Variants in GPC6 observed in about 807,000 individuals in gnomAD.
The protein encoded by GPC6 is glypican-6.
A neutral mutation model predicts 55.2 loss-of-function variants in GPC6; 14 were observed. The observed-to-expected ratio is 0.25, with a 90% CI of 0.17 to 0.40. GPC6 has a LOEUF of 0.40. Among genes scored for constraint, GPC6 ranks in the 10% least tolerant of loss-of-function variants. GPC6 has a pLI of 1.00. For missense variants in GPC6, 641 were observed against 708.5 expected (o/e 0.90, Z 1.08); for synonymous variants, 278 against 259.6 (o/e 1.07, Z -0.68).
chr13:93,766,429 C>T (rs1370857696), intron 2 of GPC6, among the ~76,000 whole-genome samples: 4 of 151,894 alleles, frequency 2.6e-5, no homozygotes, highest in Admixed American at 6.6e-5. Context: ...TTGTGCCCAT[C>T]GTTAACAATA....
At chr13:93,352,767 A>C (rs932073168) in intron 1 of GPC6, among the ~76,000 whole-genome samples, 1 of 152,234 alleles carries the variant, frequency 6.6e-6, no homozygotes, top group Middle Eastern at 3.4e-3. Flanking sequence ...AAGATAGCAA[A>C]TCTCACGGTG....
intron 2 of GPC6, among the ~76,000 whole-genome samples, chr13:93,626,125 G>T (rs924610004): frequency 6.6e-6 from 1 of 152,080 alleles, no homozygotes; most frequent in African/African-American, 2.4e-5. Context: ...GCAGAAAACT[G>T]CACCTAGCTG....
chr13:94,031,562 C>A (rs542547948), intron 4 of GPC6, among the ~76,000 whole-genome samples: 14 of 149,674 alleles, frequency 9.4e-5, no homozygotes, highest in South Asian at 2.1e-4. Flanking sequence ...AGGAGAAAAC[C>A]CTGTTTTAAG....
intron 2 of GPC6, among the ~76,000 whole-genome samples, chr13:93,760,271 TG>T (rs199963459): frequency 0.014 from 2,064 of 152,324 alleles, 22 homozygotes; most frequent in Middle Eastern, 0.024. Context: ...CCCTTTCTCT[TG>T]ACCACCATGT....
intron 4 of GPC6, among the ~76,000 whole-genome samples, chr13:94,216,361 G>A (rs1401015595): frequency 6.6e-6 from 1 of 152,014 alleles, no homozygotes; most frequent in Non-Finnish European, 1.5e-5. Flanking sequence ...GATTTTGTTG[G>A]TTGGTTTGTT....
At chr13:94,237,482 C>T (rs1890914327) in intron 4 of GPC6, among the ~76,000 whole-genome samples, 1 of 152,120 alleles carries the variant, frequency 6.6e-6, no homozygotes, top group South Asian at 2.1e-4. Context: ...GGTAAGGTCT[C>T]TTTGTAGGTG....
At chr13:94,124,107 G>A (rs948528785) in intron 4 of GPC6, among the ~76,000 whole-genome samples, 4 of 152,016 alleles carry the variant, frequency 2.6e-5, no homozygotes, top group African/African-American at 9.7e-5. Context: ...TGACTTTATA[G>A]CCCCGTATAT....
intron 1 of GPC6, among the ~76,000 whole-genome samples, chr13:93,506,077 G>A (rs1459567279): frequency 2.0e-5 from 3 of 152,122 alleles, no homozygotes; most frequent in Admixed American, 1.3e-4. Flanking sequence ...GGCTTTGTTT[G>A]CTGTAAGCCA....
At chr13:93,310,955 G>A (rs901333163) in intron 1 of GPC6, among the ~76,000 whole-genome samples, 5 of 152,120 alleles carry the variant, frequency 3.3e-5, no homozygotes, top group African/African-American at 1.2e-4. Flanking sequence ...ATACTATAAT[G>A]AGGACTTTTA....
At chr13:93,345,825 G>A (rs557740322) in intron 1 of GPC6, among the ~76,000 whole-genome samples, 2 of 152,108 alleles carry the variant, frequency 1.3e-5, no homozygotes, top group African/African-American at 4.8e-5. Flanking sequence ...TGATGTTCTG[G>A]TACAAGATAT....
intron 2 of GPC6, among the ~76,000 whole-genome samples, chr13:93,816,029 A>T (rs1478617815): frequency 2.0e-5 from 3 of 152,134 alleles, no homozygotes; most frequent in Admixed American, 2.0e-4. Context: ...ACATTTATAG[A>T]ATTACACAGT....
intron 4 of GPC6, among the ~76,000 whole-genome samples, chr13:94,071,608 C>A (rs1387052253): frequency 3.9e-5 from 6 of 152,174 alleles, no homozygotes; most frequent in African/African-American, 1.4e-4. Context: ...AGTTCCATGG[C>A]CTGGAATATA....
At chr13:93,399,756 G>A (rs977872577) in intron 1 of GPC6, among the ~76,000 whole-genome samples, 4 of 152,180 alleles carry the variant, frequency 2.6e-5, no homozygotes, top group Non-Finnish European at 5.9e-5. Context: ...TGTTTGATGG[G>A]CTTTGTACAC....
intron 6 of GPC6, among the ~76,000 whole-genome samples, chr13:94,336,069 T>G (rs1411767991): frequency 6.6e-6 from 1 of 152,156 alleles, no homozygotes; most frequent in Non-Finnish European, 1.5e-5. Flanking sequence ...TAAAATGCCC[T>G]GCAAAGCATT....
chr13:93,654,602 A>G (rs1459541870), intron 2 of GPC6, among the ~76,000 whole-genome samples: 1 of 152,182 alleles, frequency 6.6e-6, no homozygotes, highest in Non-Finnish European at 1.5e-5. Flanking sequence ...TGCTGGGATT[A>G]CAAATGTGAT....
chr13:93,401,613 G>A (rs1413965967), intron 1 of GPC6, among the ~76,000 whole-genome samples: 1 of 151,058 alleles, frequency 6.6e-6, no homozygotes, highest in African/African-American at 2.4e-5. Context: ...GGGTTAGAAG[G>A]GTATTGCCAA....
chr13:93,541,873 TG>T (rs1400089756), intron 1 of GPC6, among the ~76,000 whole-genome samples: 1 of 151,842 alleles, frequency 6.6e-6, no homozygotes, highest in African/African-American at 2.4e-5. Context: ...TTGATGGGGT[TG>T]TTTTTTTCTT....
intron 1 of GPC6, among the ~76,000 whole-genome samples, chr13:93,281,453 A>G (rs1013017778): frequency 1.3e-5 from 2 of 152,216 alleles, no homozygotes; most frequent in South Asian, 2.1e-4. Flanking sequence ...AAGAAACCCA[A>G]ATAATTAACT....
At chr13:93,234,235 G>A (rs191732263) in intron 1 of GPC6, among the ~76,000 whole-genome samples, 3 of 152,144 alleles carry the variant, frequency 2.0e-5, no homozygotes, top group Admixed American at 6.5e-5. Context: ...GTGGTGGCCC[G>A]TTTGTTAGCC....
Sources: gnomAD v4.1 joint callset for allele counts (sites outside exome capture counted in the v4.1 genomes callset) on GRCh38, gnomAD v4.1.1 for gene constraint, MANE v1.5 for transcripts, NCBI Gene and HGNC (gene_info 2026-07-23, HGNC 2026-07-21) for gene names.